The following STAC variants were observed in gnomAD, a reference collection of about 807,000 sequenced individuals.
The protein encoded by STAC is SH3 and cysteine rich domain.
STAC carries 43 observed loss-of-function variants against 48.8 expected under a neutral mutation model. The ratio of observed to expected loss-of-function variants is 0.88; its 90% CI spans 0.69 to 1.14. STAC has a LOEUF of 1.14. Ranked by LOEUF, STAC falls within the 50% of genes most tolerant of loss-of-function variation. STAC has a pLI of 0.00. For missense variants in STAC, 497 were observed against 504.0 expected (o/e 0.99, Z 0.13); for synonymous variants, 193 against 179.5 (o/e 1.07, Z -0.60).
intron 5 of STAC, among the ~76,000 whole-genome samples, chr3:36,488,437 C>G (rs780792384): frequency 1.3e-5 from 2 of 152,214 alleles, no homozygotes; most frequent in Non-Finnish European, 2.9e-5. Flanking sequence ...CCATCTCCTT[C>G]TCTGATGTGT....
chr3:36,396,839 T>C (rs984400025), intron 1 of STAC, among the ~76,000 whole-genome samples: 2 of 152,164 alleles, frequency 1.3e-5, no homozygotes, highest in African/African-American at 4.8e-5. Flanking sequence ...GTAGGGTAGT[T>C]TTTTCCTCGC....
At chr3:36,543,122 G>T (rs1412289797) in intron 10 of STAC, among the ~76,000 whole-genome samples, 2 of 152,070 alleles carry the variant, frequency 1.3e-5, no homozygotes, top group African/African-American at 4.8e-5. Flanking sequence ...AGACAAGTTG[G>T]TCACCCTCTA....
chr3:36,458,051 A>T (rs960555343), intron 2 of STAC, among the ~76,000 whole-genome samples: 1 of 152,204 alleles, frequency 6.6e-6, no homozygotes. Context: ...GAAAAGATGT[A>T]GTAGAGCAAG....
chr3:36,500,878 G>T (rs1698266485), intron 6 of STAC, among the ~76,000 whole-genome samples: 1 of 152,106 alleles, frequency 6.6e-6, no homozygotes, highest in South Asian at 2.1e-4. Context: ...ACCATTTGAT[G>T]CCAGGAGTTC....
At chr3:36,544,504 A>G (rs975480753) in intron 10 of STAC, among the ~76,000 whole-genome samples, 4 of 142,110 alleles carry the variant, frequency 2.8e-5, no homozygotes, top group Non-Finnish European at 6.4e-5. Context: ...TTATTTGTTT[A>G]TTTATTTATT....
At chr3:36,462,037 A>AAAGGGCATCCAAAT (rs1697033962) in intron 2 of STAC, among the ~76,000 whole-genome samples, 8 of 152,134 alleles carry the variant, frequency 5.3e-5, no homozygotes, top group Admixed American at 4.6e-4. Flanking sequence ...GGAGGCTATT[A>AAAGGGCATCCAAAT]CAGTAATTCA....
chr3:36,463,530 T>C lies in STAC; in HGVS notation c.389-19462T>C, dbSNP rs1016176101. Among the ~76,000 whole-genome samples, 3 of 152,052 alleles carry C rather than the reference T, an allele frequency of 2.0e-5. No individual in the cohort carries two copies. The South Asian group carries it at 6.2e-4, about 32-fold the overall frequency. On this transcript the variant is annotated intron_variant, in intron 2 of 10. Transcript: ENST00000273183. ...TTTTTCTTTTTTTTTTTAATTATAC[T>C]TTAAGTTTTCGGGTACATGTATGTG...
intron 1 of STAC, among the ~76,000 whole-genome samples, chr3:36,417,846 T>C (rs1008848207): frequency 1.3e-5 from 2 of 152,222 alleles, no homozygotes; most frequent in Non-Finnish European, 2.9e-5. Context: ...TGCAGATAAT[T>C]ATTTAAAAAT....
intron 1 of STAC, among the ~76,000 whole-genome samples, chr3:36,427,409 G>A (rs1006742324): frequency 6.6e-6 from 1 of 152,188 alleles, no homozygotes. Flanking sequence ...ATAAGTGCCA[G>A]AGAGCTCTGA....
chr3:36,525,902 T>C (rs192887107), intron 8 of STAC, among the ~76,000 whole-genome samples: 1 of 152,234 alleles, frequency 6.6e-6, no homozygotes. Flanking sequence ...GAATTGAAAA[T>C]GACAGCAAAG....
intron 1 of STAC, among the ~76,000 whole-genome samples, chr3:36,427,508 A>G (rs909330952): frequency 6.6e-6 from 1 of 151,906 alleles, no homozygotes; most frequent in East Asian, 1.9e-4. Context: ...AGATAGGGAC[A>G]TTTTCCTGGA....
chr3:36,530,093 C>T (rs954084044), intron 10 of STAC, among the ~76,000 whole-genome samples: 2 of 152,126 alleles, frequency 1.3e-5, no homozygotes, highest in African/African-American at 4.8e-5. Context: ...GCACTCCAGC[C>T]TGGTTTGTTC....
intron 2 of STAC, among the ~76,000 whole-genome samples, chr3:36,446,849 A>G (rs908557560): frequency 6.6e-6 from 1 of 152,248 alleles, no homozygotes; most frequent in African/African-American, 2.4e-5. Context: ...GATATTTCGA[A>G]AAATGTATTT....
intron 1 of STAC, among the ~76,000 whole-genome samples, chr3:36,442,994 A>G (rs1055066825): frequency 6.6e-6 from 1 of 152,238 alleles, no homozygotes; most frequent in Non-Finnish European, 1.5e-5. Flanking sequence ...CTTTGAGCCC[A>G]TGAGTTTGTA....
chr3:36,524,123 CATT>C (rs1698871210), intron 8 of STAC, among the ~76,000 whole-genome samples: 1 of 152,060 alleles, frequency 6.6e-6, no homozygotes, highest in African/African-American at 2.4e-5. Flanking sequence ...GGATGTCCCA[CATT>C]ATCTAGTACC....
chr3:36,485,962 TG>T, intron 4 of STAC, 171 bp from the exon 5 acceptor site: 2 of 581,732 alleles, frequency 3.4e-6, no homozygotes, highest in Admixed American at 5.9e-5. Context: ...GCATGCTGGG[TG>T]GGGGTGCATC....
At chr3:36,488,505 T>C (rs961814835) in intron 5 of STAC, among the ~76,000 whole-genome samples, 1 of 152,202 alleles carries the variant, frequency 6.6e-6, no homozygotes, top group Non-Finnish European at 1.5e-5. Flanking sequence ...CTTGGTCTTC[T>C]TATTCTACTC....
chr3:36,531,172 C>T (rs892599056), intron 10 of STAC, among the ~76,000 whole-genome samples: 1 of 152,082 alleles, frequency 6.6e-6, no homozygotes, highest in Non-Finnish European at 1.5e-5. Flanking sequence ...TTTGGTACCA[C>T]GTATTTAGAG....
chr3:36,494,889 A>G (rs1698096888), intron 6 of STAC, among the ~76,000 whole-genome samples: 1 of 152,218 alleles, frequency 6.6e-6, no homozygotes, highest in South Asian at 2.1e-4. Flanking sequence ...GAATTTAAAC[A>G]GCAACCCTAA....
Sources: gnomAD v4.1 joint callset for allele counts (sites outside exome capture counted in the v4.1 genomes callset) on GRCh38, gnomAD v4.1.1 for gene constraint, MANE v1.5 for transcripts, NCBI Gene and HGNC (gene_info 2026-07-23, HGNC 2026-07-21) for gene names.